The following MYOM1 variants were observed in gnomAD, a reference collection of about 807,000 sequenced individuals.
MYOM1 encodes the protein myomesin 1, also known as myomesin-1.
Under a neutral mutation model 205.3 loss-of-function variants are expected in MYOM1, and 164 were observed. The ratio of observed to expected loss-of-function variants is 0.80; its 90% CI spans 0.70 to 0.91. MYOM1 has a LOEUF of 0.91. Among genes scored for constraint, MYOM1 ranks in the 40% least tolerant of loss-of-function variants. The probability of loss-of-function intolerance (pLI) is 0.00; values close to 1 mark genes in which losing one functional copy is unlikely to be tolerated. For synonymous variants in MYOM1, 772 were observed against 789.4 expected (o/e 0.98, Z 0.37); for missense variants, 2,011 against 2,127.3 (o/e 0.95, Z 1.08).
chr18:3,187,963 C>T (rs941024012), intron 4 of MYOM1, among the ~76,000 whole-genome samples: 2 of 149,850 alleles, frequency 1.3e-5, no homozygotes, highest in East Asian at 1.9e-4. Flanking sequence ...CTCAGCCTCC[C>T]GAGTAGCTGG....
chr18:3,090,941 G>A (rs2079217852), intron 26 of MYOM1, 139 bp from the exon 27 acceptor site: 5 of 1,076,696 alleles, frequency 4.6e-6, no homozygotes, highest in South Asian at 1.7e-5. Context: ...CAGTACTTTG[G>A]GAGGTCGAGG....
chr18:3,074,091 G>T (rs1199356735), intron 36 of MYOM1, among the ~76,000 whole-genome samples: 1 of 152,212 alleles, frequency 6.6e-6, no homozygotes, highest in Non-Finnish European at 1.5e-5. Context: ...AAGAGTTCAT[G>T]AACTCCTTGC....
intron 23 of MYOM1, 40 bp from the exon 24 acceptor site, chr18:3,100,466 G>A (rs1282793981): frequency 7.6e-6 from 11 of 1,438,344 alleles, no homozygotes; most frequent in South Asian, 5.9e-5. Flanking sequence ...GAGGCTGTGT[G>A]GGATCTGTGG....
intron 22 of MYOM1, among the ~76,000 whole-genome samples, chr18:3,108,713 G>C (rs2079484153): frequency 6.6e-6 from 1 of 151,878 alleles, no homozygotes; most frequent in South Asian, 2.1e-4. Context: ...GCTAATTTTT[G>C]TATTTTCAGT....
intron 26 of MYOM1, among the ~76,000 whole-genome samples, chr18:3,093,931 C>A (rs763864964): frequency 1.3e-5 from 2 of 152,082 alleles, no homozygotes; most frequent in Non-Finnish European, 2.9e-5. Flanking sequence ...TTGCCTGAGA[C>A]CGTTTTGGTT....
chr18:3,147,141 A>AAT (rs1220116831), intron 13 of MYOM1, among the ~76,000 whole-genome samples: 8 of 143,594 alleles, frequency 5.6e-5, no homozygotes, highest in Non-Finnish European at 1.1e-4. Flanking sequence ...ATTATAGATA[A>AAT]ATATATATAT....
chr18:3,180,306 C>A (rs934480351), intron 5 of MYOM1, among the ~76,000 whole-genome samples: 1 of 152,166 alleles, frequency 6.6e-6, no homozygotes, highest in Non-Finnish European at 1.5e-5. Context: ...TACACACACA[C>A]CACACATCAC....
At chr18:3,085,750 GACC>G (rs1456957436) in intron 30 of MYOM1, among the ~76,000 whole-genome samples, 1 of 152,008 alleles carries the variant, frequency 6.6e-6, no homozygotes, top group Non-Finnish European at 1.5e-5. Context: ...GTACTTTTAG[GACC>G]ACGAGGCTTA....
intron 36 of MYOM1, among the ~76,000 whole-genome samples, chr18:3,073,700 G>A (rs779236694): frequency 2.6e-5 from 4 of 152,308 alleles, no homozygotes; most frequent in East Asian, 3.9e-4. Flanking sequence ...TGCCTTTTCC[G>A]ATGCTACCTA....
chr18:3,228,774 CG>C, the MYOM1 span, among the ~76,000 whole-genome samples: 6 of 152,158 alleles, frequency 3.9e-5, no homozygotes, highest in African/African-American at 1.4e-4. This position sits in a 1 kb window ranked among gnomAD's most constrained non-coding sequence, Gnocchi z 4.5. Flanking sequence ...GGGTCCCGCG[CG>C]TGACCGAGGC....
upstream of MYOM1, among the ~76,000 whole-genome samples, chr18:3,223,272 G>A (rs140333645): frequency 1.8e-3 from 274 of 152,206 alleles, no homozygotes; most frequent in Non-Finnish European, 3.3e-3. Flanking sequence ...ATTACTTCCT[G>A]GCATATAGCA....
In MYOM1 at chr18:3,135,840, A is replaced by C. The variant is rs2079951216; in HGVS notation, c.2026-110T>G. 2 of 1,168,810 alleles carry C rather than the reference A, an allele frequency of 1.7e-6. No homozygotes were observed. The highest frequency in any genetic ancestry group is 3.0e-5 in the African/African-American group (2 of 65,834). The allele number at this position is 1,168,810 out of a possible 1,614,324, so 72.4% of individuals were successfully genotyped here. ...TGCAACAAACCACTCCCTGTAATGC[A>C]AGCTGGACTGGAGGAGAGATGAGGA... On this transcript the variant is annotated intron_variant, in intron 14 of 37. Coordinates refer to ENST00000356443, the MANE Select transcript of MYOM1 (RefSeq NM_003803.4). This position sits in a 1 kb window ranked among gnomAD's most constrained non-coding sequence, Gnocchi z 4.1.
At chr18:3,096,977 T>C (rs2079314055) in intron 25 of MYOM1, among the ~76,000 whole-genome samples, 1 of 152,216 alleles carries the variant, frequency 6.6e-6, no homozygotes, top group South Asian at 2.1e-4. Context: ...CTTAGGCTCT[T>C]TTCTCTGGCA....
chr18:3,087,485 G>C (rs1567898299), intron 29 of MYOM1, among the ~76,000 whole-genome samples: 2 of 141,418 alleles, frequency 1.4e-5, no homozygotes, highest in African/African-American at 5.4e-5. Context: ...TTCCTCCTAC[G>C]TTCTTTTTTT....
intron 22 of MYOM1, among the ~76,000 whole-genome samples, chr18:3,108,991 T>C (rs12326080): frequency 0.016 from 2,395 of 151,838 alleles, 63 homozygotes; most frequent in African/African-American, 0.053. Flanking sequence ...TTTTTCCTTT[T>C]TTTTTTTGAG....
chr18:3,219,256 G>GGGCT lies in MYOM1; in HGVS notation c.-29+543_-29+546dup. Among the ~76,000 whole-genome samples the GGGCT allele has an allele frequency of 6.6e-6, 1 of 152,138 alleles. No homozygotes were observed. The highest frequency in any genetic ancestry group is 1.9e-4 in the East Asian group (1 of 5,184). On this transcript the variant is annotated intron_variant, in intron 1 of 37. Coordinates refer to ENST00000356443, the MANE Select transcript of MYOM1 (RefSeq NM_003803.4). This position sits in a 1 kb window ranked among gnomAD's most constrained non-coding sequence, Gnocchi z 4.4. Reference sequence around the variant, plus strand: ...CGATTCCCAGAAAAATCACTATGTGGGGCTCTATGTTGCCTCTGAAATATT... The same window carrying GGGCT: ...CGATTCCCAGAAAAATCACTATGTGGGGCTGGCTCTATGTTGCCTCTGAAATATT...
intron 22 of MYOM1, 125 bp downstream of exon 22, chr18:3,112,173 A>G (rs1411052160): frequency 1.4e-6 from 1 of 728,636 alleles, no homozygotes; most frequent in East Asian, 2.8e-5. Context: ...ATCATTACTT[A>G]TCAATTATAT....
chr18:3,067,535 G>A lies in MYOM1; in HGVS notation c.4785C>T (p.Asn1595=), dbSNP rs777424606. Residue 1595 remains asparagine (N), a synonymous_variant, in exon 38 of 38, where the codon AAC becomes AAT. Coordinates refer to ENST00000356443, the MANE Select transcript of MYOM1 (RefSeq NM_003803.4). ...CCTCCGGAGGCGGGTCTCCCCACAC[G>A]TTGCAAGTGAGATTAAGGGCCTGCA... The part of the protein sequence containing the change: ...QEGKALNLTC[N]VWGDPPPEVS... 3.1e-6 allele frequency: 5 copies of A among 1,613,374 alleles called. No homozygotes were observed. The highest frequency in any genetic ancestry group is 2.2e-5 in the South Asian group (2 of 91,072).
chr18:3,155,027 G>A lies in MYOM1; in HGVS notation c.1563C>T (p.Ala521=), dbSNP rs780824593. ...AGGAGATGATGATATAATCTTTGTT[G>A]GCCTCCAAGCACTTCACATCCAAGG... The part of the protein sequence containing the change: ...AAPLDVKCLE[A]NKDYIIISWK... Residue 521 remains alanine (A), a synonymous_variant, in exon 11 of 38, where the codon GCC becomes GCT. Transcript: ENST00000356443. The A allele has an allele frequency of 6.2e-7, 1 of 1,613,398 alleles. No homozygotes were observed. The highest frequency in any genetic ancestry group is 8.5e-7 in the Non-Finnish European group (1 of 1,179,658).
Sources: allele counts gnomAD v4.1 joint callset (sites outside exome capture counted in the v4.1 genomes callset), GRCh38; gene constraint gnomAD v4.1.1; non-coding constraint Gnocchi (gnomAD v3.1); transcripts MANE v1.5; gene names NCBI Gene and HGNC (gene_info 2026-07-23, HGNC 2026-07-21).